The following SAE1 variants were observed in gnomAD, a reference collection of about 807,000 sequenced individuals.
SAE1 encodes SUMO-activating enzyme subunit 1.
A neutral mutation model predicts 40.6 loss-of-function variants in SAE1; 11 were observed. The ratio of observed to expected loss-of-function variants is 0.27; its 90% CI spans 0.17 to 0.45. The LOEUF (loss-of-function observed/expected upper bound fraction) is 0.45. Ranked by LOEUF, SAE1 falls within the 20% of genes least tolerant of loss-of-function variation. SAE1 has a pLI of 1.00. For synonymous variants in SAE1, 155 were observed against 154.3 expected, an observed-to-expected ratio of 1.00 and a Z score of -0.03; for missense variants, 373 against 427.3, an observed-to-expected ratio of 0.87 and a Z score of 1.12.
intron 1 of SAE1, among the ~76,000 whole-genome samples, chr19:47,141,071 C>T (rs2058218775): frequency 6.6e-6 from 1 of 152,016 alleles, no homozygotes; most frequent in East Asian, 1.9e-4. Context: ...GCATGATCTC[C>T]GCTTACTGCA....
At chr19:47,168,821 C>T (rs926301308) in intron 5 of SAE1, among the ~76,000 whole-genome samples, 5 of 152,164 alleles carry the variant, frequency 3.3e-5, no homozygotes, top group Non-Finnish European at 5.9e-5. Context: ...TCAGGCTGGT[C>T]TTGAACTCCT....
At position 47,209,279 on chromosome 19, in the gene SAE1, C is replaced by T; in HGVS notation, c.*28C>T. The T allele has an allele frequency of 6.2e-7, 1 of 1,614,136 alleles. No homozygotes were observed. Among genetic ancestry groups the T allele is most frequent in the Non-Finnish European group, 8.5e-7 (1 of 1,179,994 alleles). ...TCAAGATTTGGCAGCCCCAGAGATGCCAACTGCAGCATGCCCACCTGTATT... is the reference window on the plus strand; with the variant it reads ...TCAAGATTTGGCAGCCCCAGAGATGTCAACTGCAGCATGCCCACCTGTATT... On this transcript the variant is annotated 3_prime_UTR_variant, in exon 9 of 9. Transcript: ENST00000270225.
chr19:47,167,001 G>T (rs1363924028), intron 5 of SAE1, among the ~76,000 whole-genome samples: 3 of 151,982 alleles, frequency 2.0e-5, no homozygotes, highest in Non-Finnish European at 4.4e-5. Context: ...GCCCAGGCTG[G>T]AGTGTAGTGG....
At chr19:47,133,387 G>A (rs1235739924) in intron 1 of SAE1, among the ~76,000 whole-genome samples, 2 of 152,140 alleles carry the variant, frequency 1.3e-5, no homozygotes, top group South Asian at 2.1e-4. Context: ...CACAACACCC[G>A]GCTAATCTTG....
chr19:47,199,577 C>T (rs2058639462), intron 7 of SAE1, among the ~76,000 whole-genome samples: 1 of 152,098 alleles, frequency 6.6e-6, no homozygotes, highest in East Asian at 1.9e-4. Context: ...TTCAACTCTG[C>T]TGGCCGGTGA....
chr19:47,150,780 A>T (rs905167065), intron 3 of SAE1, among the ~76,000 whole-genome samples: 3 of 152,208 alleles, frequency 2.0e-5, no homozygotes, highest in Non-Finnish European at 4.4e-5. Flanking sequence ...TTTGTTAGAA[A>T]TATCAAACTA....
chr19:47,132,856 C>A (rs559060878), intron 1 of SAE1, among the ~76,000 whole-genome samples: 343 of 151,444 alleles, frequency 2.3e-3, no homozygotes, highest in Admixed American at 3.5e-3. Context: ...CACCACTACA[C>A]CCCAGCCTGG....
chr19:47,200,405 T>A (rs1278133169), intron 7 of SAE1, among the ~76,000 whole-genome samples: 1 of 146,628 alleles, frequency 6.8e-6, no homozygotes, highest in East Asian at 2.0e-4. Flanking sequence ...CCTAATTTTT[T>A]TTTTTTTTTT....
chr19:47,168,838 A>G (rs917960637), intron 5 of SAE1, among the ~76,000 whole-genome samples: 14 of 152,062 alleles, frequency 9.2e-5, no homozygotes, highest in African/African-American at 3.1e-4. Flanking sequence ...TCCTGACCTC[A>G]GGCGATCCAC....
chr19:47,165,038 G>A (rs2058383680), intron 5 of SAE1, among the ~76,000 whole-genome samples: 2 of 145,094 alleles, frequency 1.4e-5, no homozygotes, highest in African/African-American at 5.1e-5. Context: ...ACTCACCTTG[G>A]CCTCCCAAAG....
intron 1 of SAE1, 69 bp downstream of exon 1, chr19:47,131,097 C>G (rs1021127017): frequency 2.1e-6 from 3 of 1,453,614 alleles, no homozygotes; most frequent in Admixed American, 2.9e-5. Flanking sequence ...GTTTGCGGCC[C>G]GGAAGGAGCG....
At chr19:47,164,388 C>G (rs1041656114) in intron 5 of SAE1, among the ~76,000 whole-genome samples, 1 of 151,828 alleles carries the variant, frequency 6.6e-6, no homozygotes, top group African/African-American at 2.4e-5. Flanking sequence ...AGGATGGTCT[C>G]CATCTGCTGA....
chr19:47,181,052 C>T (rs920384950), intron 6 of SAE1, among the ~76,000 whole-genome samples: 1 of 152,134 alleles, frequency 6.6e-6, no homozygotes, highest in Non-Finnish European at 1.5e-5. Flanking sequence ...CGTGGTGGCT[C>T]ACGCCTATAA....
intron 6 of SAE1, among the ~76,000 whole-genome samples, chr19:47,193,825 C>CAAA (rs1174941973): frequency 4.6e-5 from 4 of 87,810 alleles, no homozygotes; most frequent in Admixed American, 1.3e-4. Context: ...AAGATTGTCT[C>CAAA]AAAAAAAAAA....
intron 1 of SAE1, among the ~76,000 whole-genome samples, chr19:47,143,186 A>G (rs986028254): frequency 3.3e-5 from 5 of 151,630 alleles, no homozygotes; most frequent in African/African-American, 1.2e-4. Context: ...GCTCACTGCA[A>G]CCTCCGCCTC....
Position 47,150,334 on chromosome 19 carries a change from A to T in SAE1, c.343A>T (p.Ile115Leu). The T allele has an allele frequency of 1.2e-6, 2 of 1,609,818 alleles. No individual in the cohort carries two copies. The highest frequency in any genetic ancestry group is 1.7e-6 in the Non-Finnish European group (2 of 1,178,670). The change falls in exon 3 of 9, where the codon ATA (isoleucine) becomes TTA (leucine). Residue 115 changes from isoleucine to leucine, a missense_variant. Physicochemically the swap from Ile to Leu is conservative, Grantham distance 5 (BLOSUM62 2). Around this residue, in one of 3 missense-constraint regions of SAE1, gnomAD observed 351 missense variants for 390.6 expected, o/e 0.90. Transcript: ENST00000270225. Reference sequence around the variant, plus strand: ...GGATGTGAAGGTGGACACTGAGGATATAGAGAAGAAACCAGAGTCATTTTT... The same window carrying T: ...GGATGTGAAGGTGGACACTGAGGATTTAGAGAAGAAACCAGAGTCATTTTT... ...MVDVKVDTED[I>L]EKKPESFFTQ...
chr19:47,202,302 A>AT (rs2058659974), intron 7 of SAE1, among the ~76,000 whole-genome samples: 1 of 151,688 alleles, frequency 6.6e-6, no homozygotes, highest in South Asian at 2.1e-4. Flanking sequence ...TTATTTATTT[A>AT]TTTTTTGAGA....
At chr19:47,176,852 A>G (rs928090186) in intron 6 of SAE1, among the ~76,000 whole-genome samples, 1 of 152,154 alleles carries the variant, frequency 6.6e-6, no homozygotes, top group African/African-American at 2.4e-5. Flanking sequence ...TTATTCTCCC[A>G]TGGCATGTTG....
At chr19:47,202,866 C>G (rs990961554) in intron 7 of SAE1, among the ~76,000 whole-genome samples, 2 of 152,026 alleles carry the variant, frequency 1.3e-5, no homozygotes, top group African/African-American at 2.4e-5. Flanking sequence ...GCCAAGATCG[C>G]GCCACTGCAC....
Sources: gnomAD v4.1 joint callset for allele counts (sites outside exome capture counted in the v4.1 genomes callset) on GRCh38, gnomAD v4.1.1 for gene constraint, gnomAD v4.1.1 regional missense constraint, MANE v1.5 for transcripts, NCBI Gene and HGNC (gene_info 2026-07-23, HGNC 2026-07-21) for gene names.